The following RHOBTB3 variants were observed in gnomAD, a reference collection of about 807,000 sequenced individuals.
The protein encoded by RHOBTB3 is rho-related BTB domain-containing protein 3.
In RHOBTB3, 47 loss-of-function variants were observed where a neutral mutation model predicts 67.2. The ratio of observed to expected loss-of-function variants is 0.70; its 90% confidence interval spans 0.55 to 0.89. The LOEUF (loss-of-function observed/expected upper bound fraction) is 0.89. RHOBTB3 is among the 40% of genes least tolerant of loss of function. RHOBTB3 has a pLI of 0.00. For missense variants in RHOBTB3, 631 were observed against 750.0 expected (o/e 0.84, Z 1.85); for synonymous variants, 273 against 274.2 (o/e 1.00, Z 0.04).
At chr5:95,768,274 T>A in intron 8 of RHOBTB3, 108 bp downstream of exon 8, 1 of 1,033,186 alleles carries the variant, frequency 9.7e-7, no homozygotes, top group Non-Finnish European at 1.4e-6. Flanking sequence ...GATTATTCCC[T>A]ACTGAGGTAT....
At chr5:95,731,053 T>C (rs1255556750), upstream of RHOBTB3, 3 of 1,058,564 alleles carry the variant, frequency 2.8e-6, no homozygotes. Context: ...GGTTACGGCC[T>C]TGCGAGTTGA....
At chr5:95,731,813 C>A in intron 1 of RHOBTB3, 46 bp from the exon 2 acceptor site, 1 of 1,599,942 alleles carries the variant, frequency 6.3e-7, no homozygotes, top group Non-Finnish European at 8.5e-7. Context: ...GAGACCCGCG[C>A]GCTGACCGTG....
At chr5:95,752,128 T>A in intron 4 of RHOBTB3, 111 bp from the exon 5 acceptor site, 1 of 655,494 alleles carries the variant, frequency 1.5e-6, no homozygotes, top group South Asian at 2.0e-5. Context: ...TGCATACGTA[T>A]AAATGGTACT....
chr5:95,764,274 G>A (rs931733829), intron 7 of RHOBTB3, among the ~76,000 whole-genome samples: 1 of 152,192 alleles, frequency 6.6e-6, no homozygotes, highest in African/African-American at 2.4e-5. Context: ...TACAGTTAAG[G>A]TTATTAGAGA....
intron 6 of RHOBTB3, 175 bp downstream of exon 6, chr5:95,755,936 T>C: frequency 1.7e-6 from 1 of 600,186 alleles, no homozygotes; most frequent in Non-Finnish European, 2.8e-6. Context: ...CCAAGCTTTC[T>C]GTTTTCCTTA....
intron 6 of RHOBTB3, among the ~76,000 whole-genome samples, chr5:95,756,415 C>T (rs1028816346): frequency 2.6e-5 from 4 of 152,178 alleles, no homozygotes; most frequent in Admixed American, 6.5e-5. Context: ...CATCCATGGA[C>T]GCTTGGGTTG....
chr5:95,737,885 G>T (rs1036424951), intron 3 of RHOBTB3, among the ~76,000 whole-genome samples: 20 of 152,202 alleles, frequency 1.3e-4, no homozygotes, highest in African/African-American at 4.6e-4. Context: ...AGTTAATAAC[G>T]CTCCTCCTCA....
At chr5:95,761,791 T>G (rs1745402821) in intron 6 of RHOBTB3, among the ~76,000 whole-genome samples, 1 of 152,210 alleles carries the variant, frequency 6.6e-6, no homozygotes, top group Non-Finnish European at 1.5e-5. Flanking sequence ...TAGAGTAATT[T>G]TATTGATCTG....
At chr5:95,747,055 G>C (rs768456661) in intron 3 of RHOBTB3, among the ~76,000 whole-genome samples, 1 of 152,140 alleles carries the variant, frequency 6.6e-6, no homozygotes, top group Non-Finnish European at 1.5e-5. Context: ...TCAGTTATTG[G>C]GGCTTGTTGG....
chr5:95,783,709 ATTG>A (rs1275799094), intron 9 of RHOBTB3, 85 bp from the exon 10 acceptor site: 3 of 1,141,820 alleles, frequency 2.6e-6, no homozygotes, highest in East Asian at 2.5e-5. Flanking sequence ...TGTTTTTTTA[ATTG>A]TTGTTTTTTG....
chr5:95,744,495 G>A (rs979244952), intron 3 of RHOBTB3, among the ~76,000 whole-genome samples: 5 of 152,122 alleles, frequency 3.3e-5, no homozygotes, highest in African/African-American at 1.2e-4. Context: ...GGCACTTGAT[G>A]TGTGGTAGGT....
At chr5:95,741,521 C>CTTTTTTTT (rs1561441040) in intron 3 of RHOBTB3, among the ~76,000 whole-genome samples, 1 of 78,488 alleles carries the variant, frequency 1.3e-5, no homozygotes, top group African/African-American at 4.4e-5. Flanking sequence ...TTCTTTCTTT[C>CTTTTTTTT]TGTTTTTTTT....
rs746099901 is a variant in RHOBTB3 at position 95,733,359 on chromosome 5, A to T, written c.228+1275A>T. 4.4e-4 allele frequency among the ~76,000 whole-genome samples: 67 copies of T among 152,342 alleles called. 1 individual carries two copies. Among genetic ancestry groups the T allele is most frequent in the Non-Finnish European group, 8.1e-4 (55 of 68,024 alleles). ...TTCGTTGTGAAAGATCTTACAGCCT[A>T]AAAACATGACGGTTCAACATGCAGT... On this transcript the variant is annotated intron_variant, in intron 2 of 11. Transcript: ENST00000379982.
Position 95,722,305 on chromosome 5 carries a change from T to C in RHOBTB3, n.133+4540T>C, listed in dbSNP as rs899459204. Among the ~76,000 whole-genome samples, 3 of 152,160 alleles carry C rather than the reference T, an allele frequency of 2.0e-5. No homozygotes were observed. The East Asian group carries it at 5.8e-4, about 29-fold the overall frequency. ...ATCTATTTTTTAATATATTAGAGTT[T>C]GTTGGAAAGAAGATATACCAGCAAA... On this transcript the variant is annotated intron_variant and non_coding_transcript_variant, in intron 1 of 5. Transcript: ENST00000504949.
Position 95,755,569 on chromosome 5 carries a change from A to C in RHOBTB3, c.856A>C (p.Asn286His). The C allele has an allele frequency of 6.2e-7, 1 of 1,614,138 alleles. No homozygotes were observed. The highest frequency in any genetic ancestry group is 8.5e-7 in the Non-Finnish European group (1 of 1,180,002). ...AVSHVFMLLF[N>H]VKSPTDIQDS... ...AAGCCATGTTTTCATGCTGCTTTTC[A>C]ATGTGAAGAGTCCCACTGACATTCA... Residue 286 changes from asparagine to histidine, a missense_variant, in exon 6 of 12, where the codon AAT (asparagine) becomes CAT (histidine). Asn to His is a moderately conservative substitution (Grantham distance 68). Transcript: ENST00000379982.
chr5:95,757,812 A>G (rs955079754), intron 6 of RHOBTB3, among the ~76,000 whole-genome samples: 4 of 152,236 alleles, frequency 2.6e-5, no homozygotes, highest in African/African-American at 9.6e-5. Flanking sequence ...TTTTAGTTGA[A>G]TTAAAGAGTA....
intron 9 of RHOBTB3, chr5:95,782,727 G>T (rs59784517): frequency 0.2 from 30,480 of 150,146 alleles, 3,151 homozygotes; most frequent in South Asian, 0.27. Context: ...GGAGAATGGC[G>T]TGAACCCAGG....
chr5:95,770,019 G>C (rs765761546), intron 8 of RHOBTB3: 1 of 392,232 alleles, frequency 2.5e-6, no homozygotes, highest in Non-Finnish European at 5.1e-6. Flanking sequence ...GGAGAAGGGG[G>C]TAGGCCTCAT....
At chr5:95,766,681 A>C (rs1350971159) in intron 7 of RHOBTB3, among the ~76,000 whole-genome samples, 1 of 152,090 alleles carries the variant, frequency 6.6e-6, no homozygotes, top group Non-Finnish European at 1.5e-5. Flanking sequence ...CTTGACTTCC[A>C]GGAGGGTTGG....
Sources: allele counts gnomAD v4.1 joint callset (sites outside exome capture counted in the v4.1 genomes callset), GRCh38; gene constraint gnomAD v4.1.1; transcripts MANE v1.5; gene names NCBI Gene and HGNC (gene_info 2026-07-23, HGNC 2026-07-21).